The following ASPRV1 variants were observed in gnomAD, a reference collection of about 807,000 sequenced individuals.
ASPRV1 encodes aspartic peptidase retroviral like 1, also known as retroviral-like aspartic protease 1.
In ASPRV1, 7 loss-of-function variants were observed where a neutral mutation model predicts 11.0. That is an observed-to-expected ratio of 0.64 (90% confidence interval 0.36 to 1.20). The LOEUF is 1.20. Among genes scored for constraint, ASPRV1 ranks in the 50% most tolerant of loss-of-function variants. The pLI is 0.02. For missense variants in ASPRV1, 299 were observed against 320.0 expected (o/e 0.93, Z 0.50); for synonymous variants, 136 against 138.4 (o/e 0.98, Z 0.12).
At chr2:70,079,554 A>C in the ASPRV1 span, among the ~76,000 whole-genome samples, 2 of 152,192 alleles carry the variant, frequency 1.3e-5, no homozygotes, top group Admixed American at 6.6e-5. Flanking sequence ...TGAGTACTCC[A>C]CCAATGGAGA....
At chr2:70,027,732 C>CT in the ASPRV1 span, among the ~76,000 whole-genome samples, 54 of 152,226 alleles carry the variant, frequency 3.5e-4, no homozygotes, top group African/African-American at 1.3e-3. Context: ...TTAATGGTTA[C>CT]AAACATATAG....
chr2:70,072,688 C>T, the ASPRV1 span, among the ~76,000 whole-genome samples: 1 of 152,016 alleles, frequency 6.6e-6, no homozygotes, highest in Admixed American at 6.6e-5. Context: ...TGCCACTGCA[C>T]TCTGTCCTGG....
the ASPRV1 span, among the ~76,000 whole-genome samples, chr2:69,983,567 T>A: frequency 6.6e-6 from 1 of 151,986 alleles, no homozygotes; most frequent in Admixed American, 6.6e-5. Context: ...CTGGGCTGGA[T>A]GTGGCAGGCA....
chr2:69,964,198 A>T (rs1430116421), upstream of ASPRV1: 4 of 335,912 alleles, frequency 1.2e-5, no homozygotes, highest in Admixed American at 1.7e-4. Flanking sequence ...CTTGGGCCCA[A>T]ATCACCTCTC....
the ASPRV1 span, among the ~76,000 whole-genome samples, chr2:69,986,214 C>A: frequency 6.6e-6 from 1 of 152,232 alleles, no homozygotes; most frequent in African/African-American, 2.4e-5. Context: ...GTGCAGAAAG[C>A]TCTGCCCTCA....
the ASPRV1 span, among the ~76,000 whole-genome samples, chr2:70,021,290 C>T: frequency 1.3e-5 from 2 of 151,770 alleles, no homozygotes; most frequent in South Asian, 4.2e-4. Context: ...TTTTCCTCAT[C>T]CATTGTTCTG....
the ASPRV1 span, among the ~76,000 whole-genome samples, chr2:70,076,525 GGTATTATCATTATCCT>G: frequency 6.6e-6 from 1 of 152,160 alleles, no homozygotes. Context: ...TTAGGAGGCA[GGTATTATCATTATCCT>G]CATTGTACAA....
At chr2:69,943,270 C>G in the ASPRV1 span, among the ~76,000 whole-genome samples, 3 of 152,214 alleles carry the variant, frequency 2.0e-5, no homozygotes, top group African/African-American at 7.2e-5. Flanking sequence ...ACTGCCAAGA[C>G]TTCTGCATCT....
At chr2:69,964,464 G>C (rs1257543304), upstream of ASPRV1, 8 of 367,268 alleles carry the variant, frequency 2.2e-5, no homozygotes, top group South Asian at 1.6e-4. Context: ...CAGTTCTCAA[G>C]TTCCCTTATG....
the ASPRV1 span, among the ~76,000 whole-genome samples, chr2:69,984,766 G>A: frequency 1.5e-3 from 218 of 147,590 alleles, 1 homozygote; most frequent in African/African-American, 5.2e-3. Context: ...GATTGCAGCC[G>A]CCTGGCACCA....
chr2:70,013,110 T>C, the ASPRV1 span, among the ~76,000 whole-genome samples: 6 of 152,346 alleles, frequency 3.9e-5, no homozygotes, highest in East Asian at 1.9e-4. Context: ...TAGACTGAAA[T>C]GTGCCTACAT....
the ASPRV1 span, among the ~76,000 whole-genome samples, chr2:70,018,422 A>T: frequency 6.6e-6 from 1 of 152,102 alleles, no homozygotes; most frequent in East Asian, 1.9e-4. Context: ...TTGAAAAAAC[A>T]ACTCTGAAAT....
the ASPRV1 span, among the ~76,000 whole-genome samples, chr2:70,004,554 AGTG>A: frequency 6.7e-6 from 1 of 149,600 alleles, no homozygotes; most frequent in Non-Finnish European, 1.5e-5. Flanking sequence ...AAAAAAAAGA[AGTG>A]GGGTAATTGA....
the ASPRV1 span, among the ~76,000 whole-genome samples, chr2:69,966,692 C>G: frequency 6.6e-6 from 1 of 152,204 alleles, no homozygotes; most frequent in East Asian, 1.9e-4. Flanking sequence ...ACATAGAGGG[C>G]TTCTGTCCAA....
At chr2:69,984,350 A>C in the ASPRV1 span, among the ~76,000 whole-genome samples, 2 of 152,128 alleles carry the variant, frequency 1.3e-5, no homozygotes, top group Non-Finnish European at 2.9e-5. Context: ...GAAGTTTTTA[A>C]ATAAATGCTC....
chr2:69,995,229 C>CA, the ASPRV1 span: 510 of 136,620 alleles, frequency 3.7e-3, 6 homozygotes, highest in Admixed American at 0.025. Flanking sequence ...ACTAAAAATA[C>CA]AAAAAAAAAA....
At chr2:69,937,618 GTTTT>G in the ASPRV1 span, among the ~76,000 whole-genome samples, 1 of 152,164 alleles carries the variant, frequency 6.6e-6, no homozygotes, top group Non-Finnish European at 1.5e-5. Context: ...AGCCTAGTTT[GTTTT>G]GTTTTGTTTT....
At chr2:69,953,104 T>C in the ASPRV1 span, among the ~76,000 whole-genome samples, 1 of 152,236 alleles carries the variant, frequency 6.6e-6, no homozygotes, top group African/African-American at 2.4e-5. Flanking sequence ...CTCAGGCAAG[T>C]AGCCAGGACT....
the ASPRV1 span, chr2:69,937,136 A>AAGTGTGGC: frequency 6.8e-7 from 1 of 1,479,610 alleles, no homozygotes; most frequent in Non-Finnish European, 9.4e-7. Context: ...GCGTCTGAGG[A>AAGTGTGGC]AGTGTGGCGC....
Sources: gnomAD v4.1 joint callset for allele counts (sites outside exome capture counted in the v4.1 genomes callset) on GRCh38, gnomAD v4.1.1 for gene constraint, MANE v1.5 for transcripts, NCBI Gene and HGNC (gene_info 2026-07-23, HGNC 2026-07-21) for gene names.